FKTN: variants seen among roughly 807,000 people sequenced by gnomAD.
FKTN encodes the protein fukutin.
In FKTN, 47 loss-of-function variants were observed where a neutral mutation model predicts 58.6. That is an observed-to-expected ratio of 0.80 (90% CI 0.63 to 1.02). The LOEUF is 1.02. FKTN is among the 50% of genes least tolerant of loss of function. The pLI is 0.00. For missense variants in FKTN, 516 were observed against 537.3 expected (o/e 0.96, Z 0.39); for synonymous variants, 178 against 191.9 (o/e 0.93, Z 0.60).
chr9:105,623,238 A>G (rs1187040994), intron 10 of FKTN: 1 of 152,100 alleles, frequency 6.6e-6, no homozygotes, highest in Non-Finnish European at 1.5e-5. Flanking sequence ...ATAATAGTTA[A>G]CTTTATTGAA....
At chr9:105,585,856 A>G (rs1001065772) in intron 3 of FKTN, among the ~76,000 whole-genome samples, 1 of 152,242 alleles carries the variant, frequency 6.6e-6, no homozygotes, top group African/African-American at 2.4e-5. Flanking sequence ...ATTATAGGTT[A>G]GCGTCATCAA....
At chr9:105,595,472 T>C (rs1243682251) in intron 3 of FKTN, among the ~76,000 whole-genome samples, 1 of 152,182 alleles carries the variant, frequency 6.6e-6, no homozygotes, top group South Asian at 2.1e-4. Flanking sequence ...TGTATTACAA[T>C]GTTTGCAGTC....
intron 1 of FKTN, among the ~76,000 whole-genome samples, chr9:105,569,434 AG>A (rs1226815568): frequency 6.6e-6 from 1 of 152,128 alleles, no homozygotes; most frequent in Non-Finnish European, 1.5e-5. Context: ...TTTTTTTCCA[AG>A]CCTTTTCACA....
chr9:105,567,209 C>T (rs1305180637), intron 1 of FKTN, among the ~76,000 whole-genome samples: 4 of 152,148 alleles, frequency 2.6e-5, no homozygotes, highest in African/African-American at 7.2e-5. Context: ...TGGGCAAAAA[C>T]TGGAAGCATT....
chr9:105,585,667 G>T (rs1046486186), intron 3 of FKTN, among the ~76,000 whole-genome samples: 5 of 152,160 alleles, frequency 3.3e-5, no homozygotes, highest in Non-Finnish European at 5.9e-5. Context: ...AAGAGAACCT[G>T]AACTATTGTT....
chr9:105,641,079 C>T lies in FKTN; in HGVS notation c.*5815C>T, dbSNP rs1319983529. 6.6e-6 allele frequency: 1 copy of T among 152,026 alleles called. No homozygotes were observed. Among genetic ancestry groups the T allele is most frequent in the African/African-American group, 2.4e-5 (1 of 41,392 alleles). 9.4% of individuals were successfully genotyped at this position (152,026 alleles called of 1,614,324 possible). A position where few individuals can be genotyped will look rare whatever the true frequency, so the allele number is the denominator to read the frequency against. Reference sequence around the variant, plus strand: ...TTCATCAGAATTTGTAATATATAATCCAGTTTGGGATGATGAATAAAATTT... The same window carrying T: ...TTCATCAGAATTTGTAATATATAATTCAGTTTGGGATGATGAATAAAATTT... On this transcript the variant is annotated 3_prime_UTR_variant, in exon 11 of 11. Transcript: ENST00000357998.
At chr9:105,595,966 G>T (rs1052265634) in intron 3 of FKTN, among the ~76,000 whole-genome samples, 3 of 152,192 alleles carry the variant, frequency 2.0e-5, no homozygotes, top group East Asian at 3.9e-4. Context: ...GTATTTTGGG[G>T]CTACCAGATG....
At chr9:105,625,383 T>C (rs1052721826) in intron 10 of FKTN, among the ~76,000 whole-genome samples, 7 of 152,214 alleles carry the variant, frequency 4.6e-5, no homozygotes, top group Admixed American at 1.3e-4. Flanking sequence ...TATTTGGCAA[T>C]GCTGGTAAAC....
intron 8 of FKTN, among the ~76,000 whole-genome samples, chr9:105,616,707 T>C (rs1201573909): frequency 6.6e-6 from 1 of 152,162 alleles, no homozygotes; most frequent in African/African-American, 2.4e-5. Context: ...AGGGATAGGG[T>C]TGCCATCCAA....
chr9:105,559,009 CA>C (rs1227519086), intron 1 of FKTN, among the ~76,000 whole-genome samples: 1 of 152,128 alleles, frequency 6.6e-6, no homozygotes, highest in Non-Finnish European at 1.5e-5. Flanking sequence ...GGTGTTCTGA[CA>C]AGGAAGAAGA....
intron 3 of FKTN, among the ~76,000 whole-genome samples, chr9:105,580,118 C>G (rs1012458016): frequency 2.0e-5 from 3 of 151,984 alleles, no homozygotes; most frequent in African/African-American, 7.3e-5. Context: ...GACTCTTTAT[C>G]CAATTTGCCA....
chr9:105,566,457 A>G (rs896426066), intron 1 of FKTN, among the ~76,000 whole-genome samples: 3 of 152,188 alleles, frequency 2.0e-5, no homozygotes, highest in Non-Finnish European at 2.9e-5. Context: ...ATAAAAAACG[A>G]TAAAGGGGAT....
At position 105,601,519 on chromosome 9, in the gene FKTN, G is replaced by C. The variant is rs940829727; in HGVS notation, c.369+171G>C. Among the ~76,000 whole-genome samples, 21 of 152,130 alleles carry C rather than the reference G, an allele frequency of 1.4e-4. 3 individuals are homozygous for C. Among genetic ancestry groups the C allele is most frequent in the Admixed American group, 9.8e-4 (15 of 15,282 alleles). ...ATACAACTAATCACTAAGGCAAATA[G>C]GGGATTTCTTTTTCTTATATAATGA... On this transcript the variant is annotated intron_variant, in intron 5 of 10. Transcript: ENST00000357998.
At chr9:105,585,978 C>A (rs1317839143) in intron 3 of FKTN, among the ~76,000 whole-genome samples, 1 of 152,098 alleles carries the variant, frequency 6.6e-6, no homozygotes, top group Non-Finnish European at 1.5e-5. Flanking sequence ...TTTATTCCAA[C>A]CCAAATTTAG....
Position 105,559,207 on chromosome 9 carries a change from G to A in FKTN, c.-181+1042G>A, listed in dbSNP as rs144795762. ...AGTGATTTAGATCGTAGAGTGCTGA[G>A]GTTGCCAATAACTAGCCTCTTGGCT... On this transcript the variant is annotated intron_variant, in intron 1 of 10. Transcript: ENST00000357998. Among the ~76,000 whole-genome samples, 9 of 152,336 alleles carry A rather than the reference G, an allele frequency of 5.9e-5. No homozygotes were observed. The East Asian group carries it at 1.7e-3, about 29-fold the overall frequency.
At chr9:105,607,596 TTTA>T (rs924141800) in intron 6 of FKTN, among the ~76,000 whole-genome samples, 29 of 151,618 alleles carry the variant, frequency 1.9e-4, no homozygotes, top group African/African-American at 6.1e-4. Flanking sequence ...TAATAAATCT[TTTA>T]TTATTATTAT....
intron 3 of FKTN, 60 bp downstream of exon 3, chr9:105,575,197 C>T: frequency 1.0e-6 from 1 of 981,414 alleles, no homozygotes; most frequent in Non-Finnish European, 1.7e-6. Context: ...ATTTTCTGAT[C>T]ACACTTCTCT....
chr9:105,570,206 T>C (rs1050334873), intron 1 of FKTN, among the ~76,000 whole-genome samples: 3 of 152,298 alleles, frequency 2.0e-5, no homozygotes, highest in South Asian at 2.1e-4. Flanking sequence ...AAAAGTTTTA[T>C]TTAAATAGTT....
intron 10 of FKTN, among the ~76,000 whole-genome samples, chr9:105,623,452 T>C (rs1423797807): frequency 5.3e-5 from 8 of 152,218 alleles, no homozygotes; most frequent in Non-Finnish European, 8.8e-5. Context: ...ATCTCTATCA[T>C]GTTGTTAATA....
Sources: allele counts gnomAD v4.1 joint callset (sites outside exome capture counted in the v4.1 genomes callset), GRCh38; gene constraint gnomAD v4.1.1; transcripts MANE v1.5; gene names NCBI Gene and HGNC (gene_info 2026-07-23, HGNC 2026-07-21).